The following GPRC5B variants were observed in gnomAD, a reference collection of about 807,000 sequenced individuals.
GPRC5B encodes G protein-coupled receptor family C group 5 member B.
A neutral mutation model predicts 30.1 loss-of-function variants in GPRC5B; 16 were observed. The ratio of observed to expected loss-of-function variants is 0.53; its 90% confidence interval spans 0.36 to 0.81. The LOEUF (loss-of-function observed/expected upper bound fraction) is 0.81, where lower values mean the gene tolerates loss of function less well. GPRC5B is among the 30% of genes least tolerant of loss of function. The pLI, the probability that GPRC5B is intolerant of heterozygous loss-of-function variation, is 0.01. For missense variants in GPRC5B, 428 were observed against 544.7 expected (o/e 0.79, Z 2.13); for synonymous variants, 241 against 239.5 (o/e 1.01, Z -0.06).
Position 19,856,783 on chromosome 16 carries a change from A to G in GPRC5B, c.*3717T>C, listed in dbSNP as rs564876469. On this transcript the variant is annotated 3_prime_UTR_variant, in exon 4 of 4. Transcript: ENST00000300571. ...ATCCCCACATTTTATTCATTCATCC[A>G]GATTACTTCTTCAGTGCCTCAGGAG... The G allele has an allele frequency of 2.3e-5, 12 of 511,654 alleles. No homozygotes were observed. The South Asian group carries it at 2.9e-4, about 12-fold the overall frequency. 31.7% of individuals were successfully genotyped at this position (511,654 alleles called of 1,614,324 possible). A position where few individuals can be genotyped will look rare whatever the true frequency, so the allele number is the denominator to read the frequency against.
At chr16:19,873,033 C>T (rs2056735728) in intron 1 of GPRC5B, among the ~76,000 whole-genome samples, 187 bp from the exon 2 acceptor site, 2 of 152,222 alleles carry the variant, frequency 1.3e-5, no homozygotes, top group South Asian at 2.1e-4. Context: ...CCATCTGTAC[C>T]CTTGGCTGGG....
At chr16:19,877,442 A>G (rs2056766625) in intron 1 of GPRC5B, among the ~76,000 whole-genome samples, 1 of 152,126 alleles carries the variant, frequency 6.6e-6, no homozygotes, top group African/African-American at 2.4e-5. Flanking sequence ...ATGGCTGCCC[A>G]TGAGGTGACA....
chr16:19,869,333 CAAAAA>C (rs35252104), intron 2 of GPRC5B, among the ~76,000 whole-genome samples: 2 of 61,996 alleles, frequency 3.2e-5, no homozygotes. Flanking sequence ...GACTCTGCCT[CAAAAA>C]AAAAAAAAAA....
intron 2 of GPRC5B, among the ~76,000 whole-genome samples, chr16:19,863,535 T>C (rs2056643850): frequency 2.8e-5 from 4 of 143,526 alleles, no homozygotes; most frequent in Non-Finnish European, 4.5e-5. Context: ...TCTCGCTCTG[T>C]CGCCCAGGCT....
chr16:19,861,087 T>TTAAAAAAAAAA lies in GPRC5B; in HGVS notation c.1168-544_1168-543insTTTTTTTTTTA, dbSNP rs569493402. Reference sequence around the variant, plus strand: ...GATCAAAGACCATCCCTGATTTACATAAAAAAAAAAAAAAAAAGAAGAATG... The same window carrying TTAAAAAAAAAA: ...GATCAAAGACCATCCCTGATTTACATTAAAAAAAAAAAAAAAAAAAAAAAAAAAGAAGAATG... On this transcript the variant is annotated intron_variant, in intron 3 of 3. Coordinates refer to ENST00000300571, the MANE Select transcript of GPRC5B (RefSeq NM_016235.3). 2.2e-3 allele frequency among the ~76,000 whole-genome samples: 210 copies of TTAAAAAAAAAA among 93,352 alleles called. 2 individuals are homozygous for TTAAAAAAAAAA. Among genetic ancestry groups the TTAAAAAAAAAA allele is most frequent in the South Asian group, 0.011 (27 of 2,512 alleles). The allele number at this position is 93,352 out of a possible 152,430, so 61.2% of individuals were successfully genotyped here. A position where few individuals can be genotyped will look rare whatever the true frequency, so the allele number is the denominator to read the frequency against.
Position 19,872,895 on chromosome 16 carries a change from A to G in GPRC5B, c.-1-49T>C. 2 of 1,345,826 alleles carry G rather than the reference A, an allele frequency of 1.5e-6. No individual in the cohort carries two copies. Among genetic ancestry groups the G allele is most frequent in the Non-Finnish European group, 2.1e-6 (2 of 953,766 alleles). 83.4% of individuals were successfully genotyped at this position (1,345,826 alleles called of 1,614,324 possible). A position where few individuals can be genotyped will look rare whatever the true frequency, so the allele number is the denominator to read the frequency against. ...GTTGGGGGGAAGGAAAGATGAATTC[A>G]TTGGAAGACTCCCCCTCTCCTGACT... On this transcript the variant is annotated intron_variant, in intron 1 of 3. Transcript: ENST00000300571. This position sits in a 1 kb window ranked among gnomAD's most constrained non-coding sequence, Gnocchi z 5.0.
chr16:19,857,755 A>T lies in GPRC5B; in HGVS notation c.*2745T>A, dbSNP rs1311454958. The T allele has an allele frequency of 1.3e-5, 2 of 155,332 alleles. No homozygotes were observed. The allele number at this position is 155,332 out of a possible 1,614,324, so 9.6% of individuals were successfully genotyped here. A position where few individuals can be genotyped will look rare whatever the true frequency, so the allele number is the denominator to read the frequency against. ...TGACGGCATCTGGGCTAAAAAAAAA[A>T]AAAAAAAAAAGCACTGGGCGCCCAG... On this transcript the variant is annotated 3_prime_UTR_variant, in exon 4 of 4. Coordinates refer to ENST00000300571, the MANE Select transcript of GPRC5B (RefSeq NM_016235.3).
rs1464459060 is a variant in GPRC5B, at chr16:19,856,906, C to A, written c.*3594G>T. 7 of 198,226 alleles carry A rather than the reference C, an allele frequency of 3.5e-5. No homozygotes were observed. In the East Asian group the frequency reaches 9.5e-4, roughly 27 times the overall value. 12.3% of individuals were successfully genotyped at this position (198,226 alleles called of 1,614,324 possible). ...TACCAGTTTTCCCACTTGTGGCCGCCTTTGCAAAGATCCATATTCTAATTT... is the reference window on the plus strand; with the variant it reads ...TACCAGTTTTCCCACTTGTGGCCGCATTTGCAAAGATCCATATTCTAATTT... On this transcript the variant is annotated 3_prime_UTR_variant, in exon 4 of 4. Coordinates refer to ENST00000300571, the MANE Select transcript of GPRC5B (RefSeq NM_016235.3).
intron 2 of GPRC5B, among the ~76,000 whole-genome samples, chr16:19,863,054 C>T (rs1567207126): frequency 6.6e-6 from 1 of 152,144 alleles, no homozygotes; most frequent in South Asian, 2.1e-4. Flanking sequence ...CTTCACAGAG[C>T]GCCAACCAGG....
chr16:19,885,034 G>C, upstream of GPRC5B: 1 of 620,218 alleles, frequency 1.6e-6, no homozygotes, highest in East Asian at 1.1e-4. The surrounding 1 kb of genome is among the most constrained non-coding windows in gnomAD (Gnocchi z 5.3). Flanking sequence ...CGGAGCCCAA[G>C]CTCGTAGCTT....
chr16:19,867,526 A>G (rs1267530627), intron 2 of GPRC5B, among the ~76,000 whole-genome samples: 1 of 152,236 alleles, frequency 6.6e-6, no homozygotes, highest in African/African-American at 2.4e-5. Context: ...TAGCTCTGGC[A>G]TCGTGGTTTT....
upstream of GPRC5B, chr16:19,885,025 G>A: frequency 1.7e-6 from 1 of 579,784 alleles, no homozygotes; most frequent in Non-Finnish European, 2.4e-6. The surrounding 1 kb of genome is among the most constrained non-coding windows in gnomAD (Gnocchi z 5.3). Context: ...ATGCACCCCC[G>A]GAGCCCAAGC....
chr16:19,871,281 C>CAAAAAAAAAA (rs71375667), intron 2 of GPRC5B, among the ~76,000 whole-genome samples: 9,818 of 69,168 alleles, frequency 0.14, 777 homozygotes, highest in East Asian at 0.17. Context: ...GACCCTGTCT[C>CAAAAAAAAAA]AAAAAAAAAA....
intron 1 of GPRC5B, among the ~76,000 whole-genome samples, chr16:19,884,381 G>T (rs888597149): frequency 6.6e-6 from 1 of 151,140 alleles, no homozygotes; most frequent in Admixed American, 6.6e-5. Context: ...ACTAGGACAC[G>T]GCTGGGCTCC....
intron 2 of GPRC5B, among the ~76,000 whole-genome samples, chr16:19,863,491 C>CTTT (rs10541805): frequency 7.3e-5 from 6 of 82,258 alleles, no homozygotes; most frequent in Non-Finnish European, 1.3e-4. Flanking sequence ...AATCTGTGTT[C>CTTT]TTTTTTTTTT....
intron 1 of GPRC5B, among the ~76,000 whole-genome samples, chr16:19,874,253 G>C (rs2056744701): frequency 6.6e-6 from 1 of 152,054 alleles, no homozygotes; most frequent in African/African-American, 2.4e-5. Context: ...CCACACAGCA[G>C]CCTCAGCGAT....
rs866589389 is a variant in GPRC5B at position 19,858,752 on chromosome 16, A to G, written c.*1748T>C. The G allele has an allele frequency of 9.2e-4, 395 of 429,288 alleles. 3 individuals carry two copies. The highest frequency in any genetic ancestry group is 8.9e-3 in the Middle Eastern group (15 of 1,690). 26.6% of individuals were successfully genotyped at this position (429,288 alleles called of 1,614,324 possible). On this transcript the variant is annotated 3_prime_UTR_variant, in exon 4 of 4. Coordinates refer to ENST00000300571, the MANE Select transcript of GPRC5B (RefSeq NM_016235.3). ...GGAACGGGATTCTCTAGAAGCAAGC[A>G]CATGCTCTGGGCAGAGGCGGGGTGC...
At chr16:19,879,527 C>T (rs1567212115) in intron 1 of GPRC5B, among the ~76,000 whole-genome samples, 3 of 152,142 alleles carry the variant, frequency 2.0e-5, no homozygotes, top group Non-Finnish European at 2.9e-5. Context: ...TATCTCTCCA[C>T]GTGCTGGGGC....
Position 19,859,451 on chromosome 16 carries a change from T to C in GPRC5B, c.*1049A>G, listed in dbSNP as rs2056602605. On this transcript the variant is annotated 3_prime_UTR_variant, in exon 4 of 4. Transcript: ENST00000300571. The stretch of plus-strand genomic sequence containing the variant: ...CCATTCCATCCAGGAATTTTCACCA[T>C]AGCAACGGAAAGGACCCGAGGTGTC... The C allele has an allele frequency of 6.6e-6, 1 of 152,240 alleles. No individual in the cohort carries two copies. Among genetic ancestry groups the C allele is most frequent in the African/African-American group, 2.4e-5 (1 of 41,442 alleles). The allele number at this position is 152,240 out of a possible 1,614,324, so 9.4% of individuals were successfully genotyped here.
Sources: gnomAD v4.1 joint callset for allele counts (sites outside exome capture counted in the v4.1 genomes callset) on GRCh38, gnomAD v4.1.1 for gene constraint, Gnocchi (gnomAD v3.1) non-coding constraint, MANE v1.5 for transcripts, NCBI Gene and HGNC (gene_info 2026-07-23, HGNC 2026-07-21) for gene names.